The following MUC5AC variants were observed in gnomAD, a reference collection of about 807,000 sequenced individuals.
MUC5AC encodes mucin-5AC.
MUC5AC carries 158 observed loss-of-function variants against 169.7 expected under a neutral mutation model. The observed-to-expected ratio is 0.93, with a 90% CI of 0.82 to 1.06. The LOEUF (loss-of-function observed/expected upper bound fraction) is 1.06. Ranked by LOEUF, MUC5AC falls within the 50% of genes least tolerant of loss-of-function variation. The pLI is 0.00. For synonymous variants in MUC5AC, 1,975 were observed against 1,237.0 expected (o/e 1.60, Z -12.52); for missense variants, 4,359 against 3,089.9 (o/e 1.41, Z -9.74).
Position 1,196,674 on chromosome 11 carries a change from C to G in MUC5AC, c.15783C>G (p.Thr5261=), listed in dbSNP as rs1368885044. ...GCTGCTTCTGTCCGGAGGGCATGAC[C>G]CTCTTCAGCACCAGTGCCCAAGTCT... is the stretch of plus-strand genomic sequence containing the variant. ...TEGCFCPEGM[T]LFSTSAQVCV... The change falls in exon 39 of 49, where the codon ACC becomes ACG. Residue 5261 remains threonine (T), a synonymous_variant. Coordinates refer to ENST00000621226, the MANE Select transcript of MUC5AC (RefSeq NM_001304359.2). 4 of 762,268 alleles carry G rather than the reference C, an allele frequency of 5.2e-6. No individual in the cohort carries two copies. Among genetic ancestry groups the G allele is most frequent in the East Asian group, 4.9e-5 (2 of 41,068 alleles). 47.2% of individuals were successfully genotyped at this position (762,268 alleles called of 1,614,324 possible).
In MUC5AC at chr11:1,190,418, T is replaced by G. The variant is rs1861057727; in HGVS notation, c.12273T>G (p.Thr4091=). 2 of 667,962 alleles carry G rather than the reference T, an allele frequency of 3.0e-6. No homozygotes were observed. The highest frequency in any genetic ancestry group is 5.4e-6 in the Non-Finnish European group (2 of 367,668). 41.4% of individuals were successfully genotyped at this position (667,962 alleles called of 1,614,324 possible). A position where few individuals can be genotyped will look rare whatever the true frequency, so the allele number is the denominator to read the frequency against. Residue 4091 remains threonine (T), a synonymous_variant, in exon 31 of 49, where the codon ACT becomes ACG. Coordinates refer to ENST00000621226, the MANE Select transcript of MUC5AC (RefSeq NM_001304359.2). ...CTTGGCAGAAATCCAGGACAACCACTTTGGTGACAACCAGCACAACCTCCA... is the reference window on the plus strand; with the variant it reads ...CTTGGCAGAAATCCAGGACAACCACGTTGGTGACAACCAGCACAACCTCCA... ...TSSWQKSRTT[T]LVTTSTTSTP... is the part of the protein sequence containing the mutation.
intron 36 of MUC5AC, among the ~76,000 whole-genome samples, 151 bp from the exon 37 acceptor site, chr11:1,195,725 C>G (rs1277069208): frequency 7.3e-6 from 1 of 136,736 alleles, no homozygotes; most frequent in South Asian, 2.7e-4. Context: ...GTGGAAGGAG[C>G]CCGTCCGGGG....
At chr11:1,163,104 T>A in intron 6 of MUC5AC, 59 bp downstream of exon 6, 14 of 1,481,704 alleles carry the variant, frequency 9.4e-6, no homozygotes, top group Non-Finnish European at 1.3e-5. Flanking sequence ...CTCAGTGTTG[T>A]GTGCACACAC....
At position 1,188,864 on chromosome 11, in the gene MUC5AC, C is replaced by T. The variant is rs1288226949; in HGVS notation, c.10719C>T (p.Ser3573=). The change falls in exon 31 of 49, where the codon AGC becomes AGT. Residue 3573 remains serine, a synonymous_variant. Coordinates refer to ENST00000621226, the MANE Select transcript of MUC5AC (RefSeq NM_001304359.2). ...EITRLQCRAK[S]HPEVSIEHLG... is the part of the protein sequence containing the mutation. ...CCAGGCTCCAGTGCCGAGCCAAGAG[C>T]CACCCGGAGGTGAGCATCGAACACC... 1.4e-5 allele frequency: 11 copies of T among 763,612 alleles called. No individual in the cohort carries two copies. In the East Asian group the frequency reaches 2.4e-4, roughly 17 times the overall value. 47.3% of individuals were successfully genotyped at this position (763,612 alleles called of 1,614,324 possible). A position where few individuals can be genotyped will look rare whatever the true frequency, so the allele number is the denominator to read the frequency against.
rs990018118 is a variant in MUC5AC, at chr11:1,181,309, G to A, written c.3859G>A (p.Gly1287Arg). ...CTACAATGGACAGCGCTTCCACCCA[G>A]GGGACGTCATCTACCACACGACGGA... ...CTYNGQRFHP[G>R]DVIYHTTDGT... is the part of the protein sequence containing the mutation. The change falls in exon 30 of 49, where the codon GGG becomes AGG. Residue 1287 changes from glycine (G) to arginine (R), a missense_variant. Gly to Arg is a moderately radical substitution (Grantham distance 125, BLOSUM62 -2). Transcript: ENST00000621226. The A allele has an allele frequency of 2.5e-6, 1 of 398,620 alleles. No individual in the cohort carries two copies. Among genetic ancestry groups the A allele is most frequent in the Non-Finnish European group, 4.4e-6 (1 of 226,102 alleles). 24.7% of individuals were successfully genotyped at this position (398,620 alleles called of 1,614,324 possible).
chr11:1,187,476 G>C lies in MUC5AC; in HGVS notation c.9331G>C (p.Ala3111Pro). The change falls in exon 31 of 49, where the codon GCC becomes CCC. Residue 3111 changes from alanine (A) to proline (P), a missense_variant. Coordinates refer to ENST00000621226, the MANE Select transcript of MUC5AC (RefSeq NM_001304359.2). Reference sequence around the variant, plus strand: ...TGCTCCTACAACCAGCACAACCTCTGCCTCTACAGCCAGCAAAACCTCTGG... The same window carrying C: ...TGCTCCTACAACCAGCACAACCTCTCCCTCTACAGCCAGCAAAACCTCTGG... ...TSAPTTSTTS[A>P]STASKTSGLG... 1 of 733,310 alleles carries C rather than the reference G, an allele frequency of 1.4e-6. No homozygotes were observed. Among genetic ancestry groups the C allele is most frequent in the Non-Finnish European group, 2.5e-6 (1 of 402,062 alleles). The allele number at this position is 733,310 out of a possible 1,614,324, so 45.4% of individuals were successfully genotyped here. A position where few individuals can be genotyped will look rare whatever the true frequency, so the allele number is the denominator to read the frequency against.
chr11:1,164,780 G>C (rs1860260577), intron 9 of MUC5AC, among the ~76,000 whole-genome samples: 1 of 147,192 alleles, frequency 6.8e-6, no homozygotes, highest in Non-Finnish European at 1.5e-5. Flanking sequence ...TCCTGAGGCT[G>C]GCTGATGCCC....
Position 1,188,390 on chromosome 11 carries a change from C to T in MUC5AC, c.10245C>T (p.Thr3415=), listed in dbSNP as rs2133762133. The T allele has an allele frequency of 3.2e-6, 2 of 633,372 alleles. No individual in the cohort carries two copies. Among genetic ancestry groups the T allele is most frequent in the East Asian group, 2.7e-5 (1 of 37,068 alleles). The allele number at this position is 633,372 out of a possible 1,614,324, so 39.2% of individuals were successfully genotyped here. ...SISSAPTSST[T]SAPTSSTISA... ...CCTCTGCCCCTACAAGCAGCACAAC[C>T]TCGGCTCCTACAAGCAGCACAATCT... Residue 3415 remains threonine, a synonymous_variant, in exon 31 of 49, where the codon ACC becomes ACT. Coordinates refer to ENST00000621226, the MANE Select transcript of MUC5AC (RefSeq NM_001304359.2).
Position 1,199,365 on chromosome 11 carries a change from C to T in MUC5AC, c.16396-6C>T. On this transcript the variant is annotated splice_region_variant and splice_polypyrimidine_tract_variant and intron_variant, in intron 45 of 48. Transcript: ENST00000621226. ...TCACTCACCCCGGGGCCTGGCCTCC[C>T]TCCAGCCCGGCGAGACCTGGTCAGA... 3 of 710,560 alleles carry T rather than the reference C, an allele frequency of 4.2e-6. No homozygotes were observed. The highest frequency in any genetic ancestry group is 1.7e-5 in the African/African-American group (1 of 57,590). The allele number at this position is 710,560 out of a possible 1,614,324, so 44.0% of individuals were successfully genotyped here.
intron 1 of MUC5AC, among the ~76,000 whole-genome samples, chr11:1,158,699 C>T (rs529303616): frequency 6.6e-6 from 1 of 152,324 alleles, no homozygotes; most frequent in South Asian, 2.1e-4. Context: ...ACACCTGGGA[C>T]CGGGTCTGCT....
At chr11:1,171,382 CTCACCCAT>C (rs1860525822) in intron 15 of MUC5AC, among the ~76,000 whole-genome samples, 1 of 139,064 alleles carries the variant, frequency 7.2e-6, no homozygotes, top group African/African-American at 2.7e-5. Flanking sequence ...CACCCATTCA[CTCACCCAT>C]TCACCCATTC....
At position 1,185,272 on chromosome 11, in the gene MUC5AC, G is replaced by A. The variant is rs1248838766; in HGVS notation, c.7127G>A (p.Arg2376His). 158 of 454,750 alleles carry A rather than the reference G, an allele frequency of 3.5e-4. No individual in the cohort carries two copies. The highest frequency in any genetic ancestry group is 8.5e-4 in the African/African-American group (23 of 26,928). 28.2% of individuals were successfully genotyped at this position (454,750 alleles called of 1,614,324 possible). Reference sequence around the variant, plus strand: ...CCTACAACCAGCACAACCTCTGCCCGTACAAGCAGCACAACCTCTGCCACT... The same window carrying A: ...CCTACAACCAGCACAACCTCTGCCCATACAAGCAGCACAACCTCTGCCACT... ...SAPTTSTTSA[R>H]TSSTTSATTT... The change falls in exon 31 of 49, where the codon CGT becomes CAT. Residue 2376 changes from arginine (R) to histidine (H), a missense_variant. Arg to His is a conservative substitution (Grantham distance 29). Transcript: ENST00000621226.
At position 1,165,705 on chromosome 11, in the gene MUC5AC, C is replaced by T. The variant is rs955922798; in HGVS notation, c.1331C>T (p.Thr444Met). 6.8e-6 allele frequency: 11 copies of T among 1,612,378 alleles called. No individual in the cohort carries two copies. Among genetic ancestry groups the T allele is most frequent in the African/African-American group, 4.0e-5 (3 of 74,924 alleles). Residue 444 changes from threonine (T) to methionine (M), a missense_variant, in exon 11 of 49, where the codon ACG becomes ATG. Thr to Met is a moderately conservative substitution (Grantham distance 81, BLOSUM62 -1). Transcript: ENST00000621226. Reference sequence around the variant, plus strand: ...GTGCTTGGAGGTGCCCACTTCTCAACGTTTGACGGGAAGCAATACACGGTG... The same window carrying T: ...GTGCTTGGAGGTGCCCACTTCTCAATGTTTGACGGGAAGCAATACACGGTG... The part of the protein sequence containing the change: ...CSVLGGAHFS[T>M]FDGKQYTVHG...
intron 11 of MUC5AC, among the ~76,000 whole-genome samples, chr11:1,166,131 C>G (rs74046240): frequency 2.3e-3 from 347 of 151,836 alleles, no homozygotes; most frequent in African/African-American, 7.8e-3. Flanking sequence ...GCACCAAACA[C>G]ACAGTCTCTC....
At chr11:1,164,050 G>A in intron 7 of MUC5AC, 56 bp from the exon 8 acceptor site, 1 of 1,610,220 alleles carries the variant, frequency 6.2e-7, no homozygotes, top group Non-Finnish European at 8.5e-7. Context: ...TGTGAGCCTG[G>A]GAACCGGTCC....
At chr11:1,173,004 G>A (rs1245798539) in intron 16 of MUC5AC, among the ~76,000 whole-genome samples, 21 of 90,290 alleles carry the variant, frequency 2.3e-4, no homozygotes, top group South Asian at 1.2e-3. Context: ...TCACTCACCC[G>A]TTCACCCATT....
Position 1,194,590 on chromosome 11 carries a change from T to C in MUC5AC, c.15110T>C (p.Val5037Ala), listed in dbSNP as rs1035091571. 1 of 764,490 alleles carries C rather than the reference T, an allele frequency of 1.3e-6. No homozygotes were observed. Among genetic ancestry groups the C allele is most frequent in the South Asian group, 1.3e-5 (1 of 74,536 alleles). The allele number at this position is 764,490 out of a possible 1,614,324, so 47.4% of individuals were successfully genotyped here. The part of the protein sequence containing the change: ...KMYATIPELG[V>A]QVMFSGLIFS... Reference sequence around the variant, plus strand: ...TACGCGACCATCCCGGAGCTGGGAGTCCAGGTCATGTTCTCCGGCCTCATC... The same window carrying C: ...TACGCGACCATCCCGGAGCTGGGAGCCCAGGTCATGTTCTCCGGCCTCATC... The change falls in exon 35 of 49, where the codon GTC becomes GCC. Residue 5037 changes from valine to alanine, a missense_variant. Transcript: ENST00000621226.
chr11:1,171,422 A>T (rs1860527529), intron 15 of MUC5AC, among the ~76,000 whole-genome samples: 1 of 64,604 alleles, frequency 1.5e-5, no homozygotes, highest in Non-Finnish European at 3.0e-5. Flanking sequence ...CACCTCACTC[A>T]CTCACTCAAC....
chr11:1,173,235 C>G (rs1023307841), intron 16 of MUC5AC, among the ~76,000 whole-genome samples: 8 of 151,272 alleles, frequency 5.3e-5, no homozygotes, highest in African/African-American at 1.7e-4. Flanking sequence ...TTTCTTCACT[C>G]ATTTACTCAT....
Sources: allele counts gnomAD v4.1 joint callset (sites outside exome capture counted in the v4.1 genomes callset), GRCh38; gene constraint gnomAD v4.1.1; transcripts MANE v1.5; gene names NCBI Gene and HGNC (gene_info 2026-07-23, HGNC 2026-07-21).